The following RWDD2B variants were observed in gnomAD, a reference collection of about 807,000 sequenced individuals.
RWDD2B encodes the protein RWD domain-containing protein 2B.
A neutral mutation model predicts 33.6 loss-of-function variants in RWDD2B; 36 were observed. The observed-to-expected ratio is 1.07, with a 90% CI of 0.82 to 1.42. The LOEUF is 1.42. Ranked by LOEUF, RWDD2B falls within the 40% of genes most tolerant of loss-of-function variation. RWDD2B has a pLI of 0.00. For missense variants in RWDD2B, 364 were observed against 377.5 expected (o/e 0.96, Z 0.30); for synonymous variants, 126 against 133.1 (o/e 0.95, Z 0.37).
At position 29,008,406 on chromosome 21, in the gene RWDD2B, C is replaced by T; in HGVS notation, c.283G>A (p.Asp95Asn). ...FTINMNLDVS[D>N]EKMAMFSLAC... ...CAAAACTGAATTACCATTTTTTCGT[C>T]AGATACATCCAGGTTCATATTGATA... is the stretch of plus-strand genomic sequence containing the variant. The change falls in exon 2 of 5, where the codon GAC becomes AAC. Residue 95 changes from aspartate (D) to asparagine (N), a missense_variant. By Grantham distance (23) the Asp-to-Asn change is conservative (BLOSUM62 1). Transcript: ENST00000493196. 1 of 1,613,334 alleles carries T rather than the reference C, an allele frequency of 6.2e-7. No homozygotes were observed. Among genetic ancestry groups the T allele is most frequent in the Non-Finnish European group, 8.5e-7 (1 of 1,179,778 alleles).
At chr21:29,013,626 T>C (rs1427559587) in intron 1 of RWDD2B, among the ~76,000 whole-genome samples, 4 of 150,780 alleles carry the variant, frequency 2.7e-5, no homozygotes, top group African/African-American at 9.8e-5. Flanking sequence ...GAGGCGGAGC[T>C]TGCAGTGAGC....
intron 1 of RWDD2B, 101 bp from the exon 2 acceptor site, chr21:29,008,722 T>C: frequency 1.3e-6 from 1 of 746,426 alleles, no homozygotes; most frequent in South Asian, 1.8e-5. Context: ...GGTTTCTTCA[T>C]AAATTGTACA....
At chr21:29,015,922 T>C (rs1359679934) in intron 1 of RWDD2B, among the ~76,000 whole-genome samples, 1 of 152,088 alleles carries the variant, frequency 6.6e-6, no homozygotes, top group African/African-American at 2.4e-5. Context: ...CTTCTCAGAG[T>C]CTTAAACTGT....
intron 1 of RWDD2B, among the ~76,000 whole-genome samples, chr21:29,012,092 C>T (rs2084865785): frequency 6.9e-6 from 1 of 145,166 alleles, no homozygotes; most frequent in Non-Finnish European, 1.5e-5. Flanking sequence ...TCTGCCCGGC[C>T]AGCCGCCCCG....
At chr21:29,014,902 C>A (rs573421237) in intron 1 of RWDD2B, among the ~76,000 whole-genome samples, 2 of 151,988 alleles carry the variant, frequency 1.3e-5, no homozygotes, top group Non-Finnish European at 2.9e-5. Context: ...TTTATTATTT[C>A]TTTTCTGTTT....
intron 4 of RWDD2B, 118 bp downstream of exon 4, chr21:29,007,643 C>T: frequency 9.6e-7 from 1 of 1,036,916 alleles, no homozygotes. Context: ...AATCTTATGG[C>T]ATCACTGTTT....
At position 29,008,415 on chromosome 21, in the gene RWDD2B, C is replaced by G. The variant is rs761220267; in HGVS notation, c.274G>C (p.Asp92His). The G allele has an allele frequency of 6.2e-7, 1 of 1,614,112 alleles. No homozygotes were observed. The highest frequency in any genetic ancestry group is 2.2e-5 in the East Asian group (1 of 44,890). The change falls in exon 2 of 5, where the codon GAT becomes CAT. Residue 92 changes from aspartate to histidine, a missense_variant. Asp to His is a moderately conservative substitution (Grantham distance 81, BLOSUM62 -1). Transcript: ENST00000493196. ...ATTACCATTTTTTCGTCAGATACATCCAGGTTCATATTGATAGTAAAGTAG... is the reference window on the plus strand; with the variant it reads ...ATTACCATTTTTTCGTCAGATACATGCAGGTTCATATTGATAGTAAAGTAG... ...KVYFTINMNL[D>H]VSDEKMAMFS...
In RWDD2B at chr21:29,006,433, C is replaced by A; in HGVS notation, c.944G>T (p.Gly315Val). Reference sequence around the variant, plus strand: ...CTCTTGATGTCATTGTCCTTCTACACCAAAGAACATCTGGAAAACATCCCC... The same window carrying A: ...CTCTTGATGTCATTGTCCTTCTACAACAAAGAACATCTGGAAAACATCCCC... ...GCGDVFQMFF[G>V]VEGQ Residue 315 changes from glycine (G) to valine (V), a missense_variant, in exon 5 of 5, where the codon GGT becomes GTT. Transcript: ENST00000493196. 1 of 1,610,332 alleles carries A rather than the reference C, an allele frequency of 6.2e-7. No individual in the cohort carries two copies. The highest frequency in any genetic ancestry group is 8.5e-7 in the Non-Finnish European group (1 of 1,177,590).
Position 29,009,942 on chromosome 21 carries a change from G to A in RWDD2B, c.68-1321C>T, listed in dbSNP as rs115813213. ...TCTCCCTCCCCACCAAATATATTTT[G>A]TAGATCTATTCACTGTCAACATATA... On this transcript the variant is annotated intron_variant, in intron 1 of 4. Coordinates refer to ENST00000493196, the MANE Select transcript of RWDD2B (RefSeq NM_016940.3). 4.4e-3 allele frequency among the ~76,000 whole-genome samples: 664 copies of A among 152,024 alleles called. 3 individuals carry two copies. The highest frequency in any genetic ancestry group is 0.016 in the African/African-American group (646 of 41,446).
At chr21:29,014,639 G>T (rs932201963) in intron 1 of RWDD2B, among the ~76,000 whole-genome samples, 2 of 152,058 alleles carry the variant, frequency 1.3e-5, no homozygotes, top group Non-Finnish European at 2.9e-5. Flanking sequence ...GGCTAACATG[G>T]TGAAACCCCA....
intron 4 of RWDD2B, 72 bp from the exon 5 acceptor site, chr21:29,006,723 A>G: frequency 1.1e-6 from 1 of 886,192 alleles, no homozygotes; most frequent in East Asian, 2.6e-5. Context: ...AAGTTATAAA[A>G]CAGATTTATC....
intron 4 of RWDD2B, among the ~76,000 whole-genome samples, chr21:29,006,910 C>T (rs2084831608): frequency 6.6e-6 from 1 of 152,116 alleles, no homozygotes; most frequent in African/African-American, 2.4e-5. Flanking sequence ...CATACACACC[C>T]CGTCCAAGAA....
At chr21:29,016,053 A>T (rs552698109) in intron 1 of RWDD2B, among the ~76,000 whole-genome samples, 2 of 152,128 alleles carry the variant, frequency 1.3e-5, no homozygotes, top group Non-Finnish European at 2.9e-5. Context: ...CCATGTAGTT[A>T]CCTGAATTTA....
chr21:29,006,778 C>CT (rs1041376304), intron 4 of RWDD2B, 127 bp from the exon 5 acceptor site: 15 of 638,426 alleles, frequency 2.3e-5, no homozygotes, highest in Non-Finnish European at 3.5e-5. Context: ...ATGTTTATAA[C>CT]TTTTACTTAT....
At chr21:29,013,726 G>GA (rs1452254466) in intron 1 of RWDD2B, among the ~76,000 whole-genome samples, 1 of 149,788 alleles carries the variant, frequency 6.7e-6, no homozygotes, top group Non-Finnish European at 1.5e-5. Flanking sequence ...GATTAATACA[G>GA]AAAAAGACGA....
chr21:29,011,664 G>A (rs1351393210), intron 1 of RWDD2B, among the ~76,000 whole-genome samples: 23 of 146,182 alleles, frequency 1.6e-4, no homozygotes, highest in Non-Finnish European at 3.1e-4. Context: ...CGCCCGGCCA[G>A]CCGCCCCGTC....
rs376794596 is a variant in RWDD2B, at chr21:29,007,893, T to C, written c.593A>G (p.Tyr198Cys). 24 of 1,614,154 alleles carry C rather than the reference T, an allele frequency of 1.5e-5. No individual in the cohort carries two copies. The African/African-American group carries it at 2.4e-4, about 16-fold the overall frequency. Reference sequence around the variant, plus strand: ...AATATTCTTTCTTTTGCATTTGTTATAGATATGATGGCTGTAGATCCAGAG... The same window carrying C: ...AATATTCTTTCTTTTGCATTTGTTACAGATATGATGGCTGTAGATCCAGAG... ...TRLWIYSHHI[Y>C]NKCKRKNILE... Residue 198 changes from tyrosine (Y) to cysteine (C), a missense_variant, in exon 4 of 5, where the codon TAT (tyrosine) becomes TGT (cysteine). Coordinates refer to ENST00000493196, the MANE Select transcript of RWDD2B (RefSeq NM_016940.3).
chr21:29,012,492 G>A (rs1258947589), intron 1 of RWDD2B, among the ~76,000 whole-genome samples: 1 of 151,960 alleles, frequency 6.6e-6, no homozygotes, highest in African/African-American at 2.4e-5. Context: ...TGTGCTCTCT[G>A]AAACATGTGC....
At chr21:29,013,688 CAAA>C (rs543309731) in intron 1 of RWDD2B, among the ~76,000 whole-genome samples, 9 of 59,556 alleles carry the variant, frequency 1.5e-4, no homozygotes, top group Non-Finnish European at 1.6e-4. Context: ...GACTCCGTCT[CAAA>C]AAAAAAAAAA....
Sources: allele counts gnomAD v4.1 joint callset (sites outside exome capture counted in the v4.1 genomes callset), GRCh38; gene constraint gnomAD v4.1.1; transcripts MANE v1.5; gene names NCBI Gene and HGNC (gene_info 2026-07-23, HGNC 2026-07-21).